Variants in LDB3 observed in about 807,000 individuals in gnomAD.
LDB3 encodes the protein LIM domain-binding protein 3.
A neutral mutation model predicts 69.0 loss-of-function variants in LDB3; 49 were observed. The ratio of observed to expected loss-of-function variants is 0.71; its 90% CI spans 0.56 to 0.90. The LOEUF (loss-of-function observed/expected upper bound fraction) is 0.90. Among genes scored for constraint, LDB3 ranks in the 40% least tolerant of loss-of-function variants. The pLI, the probability that LDB3 is intolerant of heterozygous loss-of-function variation, is 0.00. For missense variants in LDB3, 928 were observed against 974.1 expected (o/e 0.95, Z 0.63); for synonymous variants, 387 against 396.2 (o/e 0.98, Z 0.28).
Position 86,680,026 on chromosome 10 carries a change from G to A in LDB3, c.246-56G>A. The A allele has an allele frequency of 2.0e-6, 3 of 1,493,322 alleles. No homozygotes were observed. In the Admixed American group the frequency reaches 5.0e-5, roughly 25 times the overall value. 92.5% of individuals were successfully genotyped at this position (1,493,322 alleles called of 1,614,324 possible). ...CTCCTCACCAGCCCTGCCCAGGCAGGAGCTTCTGGCCCCAGGGGCAACTTC... is the reference window on the plus strand; with the variant it reads ...CTCCTCACCAGCCCTGCCCAGGCAGAAGCTTCTGGCCCCAGGGGCAACTTC... On this transcript the variant is annotated intron_variant, in intron 3 of 13. Transcript: ENST00000361373.
chr10:86,703,617 C>T (rs2132451541), intron 7 of LDB3, among the ~76,000 whole-genome samples: 1 of 152,382 alleles, frequency 6.6e-6, no homozygotes, highest in African/African-American at 2.4e-5. Flanking sequence ...CAGCTCCATT[C>T]TTCCGTGACC....
At chr10:86,677,742 C>G (rs960070481) in intron 2 of LDB3, among the ~76,000 whole-genome samples, 1 of 152,202 alleles carries the variant, frequency 6.6e-6, no homozygotes, top group Non-Finnish European at 1.5e-5. Flanking sequence ...GGTATGACAT[C>G]AACTACAGAA....
chr10:86,732,191 A>G (rs1178833573), intron 13 of LDB3, among the ~76,000 whole-genome samples: 3 of 151,254 alleles, frequency 2.0e-5, no homozygotes, highest in African/African-American at 4.9e-5. Context: ...AGTGAGTACA[A>G]TCTTCTCTGA....
chr10:86,709,112 C>T (rs1846546203), intron 8 of LDB3, among the ~76,000 whole-genome samples: 1 of 152,198 alleles, frequency 6.6e-6, no homozygotes, highest in Non-Finnish European at 1.5e-5. Context: ...AAGCATTTTA[C>T]AAACAAATAC....
At chr10:86,701,134 C>A (rs925591244) in intron 7 of LDB3, among the ~76,000 whole-genome samples, 1 of 152,266 alleles carries the variant, frequency 6.6e-6, no homozygotes, top group Admixed American at 6.5e-5. Context: ...CCCCATCCTG[C>A]CTCCAGCAGT....
At chr10:86,714,640 C>T (rs1221773352) in intron 9 of LDB3, among the ~76,000 whole-genome samples, 4 of 150,750 alleles carry the variant, frequency 2.7e-5, no homozygotes, top group Non-Finnish European at 5.9e-5. Flanking sequence ...ACTGCAAGCT[C>T]CGCCTCCTGG....
chr10:86,669,367 G>C (rs1332018200), intron 2 of LDB3, among the ~76,000 whole-genome samples: 1 of 152,224 alleles, frequency 6.6e-6, no homozygotes, highest in Non-Finnish European at 1.5e-5. Flanking sequence ...ATTCACCATG[G>C]CTGCTTTGTC....
At chr10:86,692,108 T>C (rs1033484084) in intron 6 of LDB3, 43 bp downstream of exon 6, 1 of 1,609,866 alleles carries the variant, frequency 6.2e-7, no homozygotes, top group African/African-American at 1.3e-5. Context: ...AGGGAGATGC[T>C]GAGGGGCCAC....
intron 2 of LDB3, among the ~76,000 whole-genome samples, chr10:86,678,750 C>T (rs1462594477): frequency 6.6e-6 from 1 of 152,160 alleles, no homozygotes. Flanking sequence ...GAGTGACCCT[C>T]TCACCTGCCT....
chr10:86,711,487 C>T (rs1846663110), intron 9 of LDB3, among the ~76,000 whole-genome samples: 1 of 151,910 alleles, frequency 6.6e-6, no homozygotes, highest in Admixed American at 6.5e-5. Context: ...CCGGGAGGCC[C>T]GGCTGCCAAG....
At position 86,733,331 on chromosome 10, in the gene LDB3, T is replaced by C. The variant is rs900424393; in HGVS notation, c.*355T>C. The C allele has an allele frequency of 1.8e-5, 6 of 324,814 alleles. No individual in the cohort carries two copies. Among genetic ancestry groups the C allele is most frequent in the African/African-American group, 1.3e-4 (6 of 46,258 alleles). 20.1% of individuals were successfully genotyped at this position (324,814 alleles called of 1,614,324 possible). A position where few individuals can be genotyped will look rare whatever the true frequency, so the allele number is the denominator to read the frequency against. On this transcript the variant is annotated 3_prime_UTR_variant, in exon 14 of 14. Coordinates refer to ENST00000361373, the MANE Select transcript of LDB3 (RefSeq NM_007078.3). ...AGAGGAGGACAGAGCTTAGAGCAGC[T>C]GTGGAGAATCTGAAGCATTCTGCGG...
chr10:86,674,736 C>T (rs183006387), intron 2 of LDB3, among the ~76,000 whole-genome samples: 1 of 152,176 alleles, frequency 6.6e-6, no homozygotes, highest in African/African-American at 2.4e-5. Context: ...GAGTTGGGTG[C>T]TTTGGGCCCT....
rs1844992525 is a variant in LDB3, at chr10:86,679,491, G to C, written c.218G>C (p.Ser73Thr). Residue 73 changes from serine (S) to threonine (T), a missense_variant, in exon 3 of 14, where the codon AGC (serine) becomes ACC (threonine). Coordinates refer to ENST00000361373, the MANE Select transcript of LDB3 (RefSeq NM_007078.3). ...GCCCAGAACAAGATCAAGTCTGCCA[G>C]CTACAACTTGAGCCTCACCCTGCAG... ...LEAQNKIKSA[S>T]YNLSLTLQKS... is the part of the protein sequence containing the mutation. The C allele has an allele frequency of 1.9e-6, 3 of 1,614,092 alleles. No homozygotes were observed. Among genetic ancestry groups the C allele is most frequent in the Non-Finnish European group, 2.5e-6 (3 of 1,180,048 alleles).
At chr10:86,682,023 G>A (rs1385792198) in intron 5 of LDB3, among the ~76,000 whole-genome samples, 2 of 152,222 alleles carry the variant, frequency 1.3e-5, no homozygotes, top group Non-Finnish European at 2.9e-5. Context: ...GGATTTTGCA[G>A]AGGAGGAAAC....
chr10:86,732,911 C>T lies in LDB3; in HGVS notation c.2119C>T (p.Gln707Ter), dbSNP rs771316707. 1.9e-6 allele frequency: 3 copies of T among 1,613,756 alleles called. No homozygotes were observed. In the African/African-American group the frequency reaches 4.0e-5, roughly 22 times the overall value. ...GGTCTGCCATGTGAATCTGGAGGGG[C>T]AGCCGTTCTACTCCAAGAAGGACAG... ...CAVCHVNLEG[Q>*]PFYSKKDRPL... The change falls in exon 14 of 14, where the codon CAG (glutamine) becomes TAG (stop). Residue 707 changes from glutamine (Q) to a stop codon, truncating the protein, a stop_gained. Coordinates refer to ENST00000361373, the MANE Select transcript of LDB3 (RefSeq NM_007078.3). LOFTEE classifies it high-confidence loss of function.
rs1554868911 is a variant in LDB3, at chr10:86,728,586, G to GTTTTTTTTTTTTGT, written c.2094+2346_2094+2347insGTTTTTTTTTTTTT. On this transcript the variant is annotated intron_variant, in intron 13 of 13. Coordinates refer to ENST00000361373, the MANE Select transcript of LDB3 (RefSeq NM_007078.3). The stretch of plus-strand genomic sequence containing the variant: ...TAGCAAAGTGGAACATGGTTCTTTT[G>GTTTTTTTTTTTTGT]TTTTTTTTTTTTTTTGAGACAAAGT... Among the ~76,000 whole-genome samples, 182 of 131,444 alleles carry GTTTTTTTTTTTTGT rather than the reference G, an allele frequency of 1.4e-3. 1 individual carries two copies. Among genetic ancestry groups the GTTTTTTTTTTTTGT allele is most frequent in the African/African-American group, 4.5e-3 (160 of 35,396 alleles). 86.2% of individuals were successfully genotyped at this position (131,444 alleles called of 152,430 possible). A position where few individuals can be genotyped will look rare whatever the true frequency, so the allele number is the denominator to read the frequency against.
upstream of LDB3, among the ~76,000 whole-genome samples, chr10:86,667,394 A>G (rs1844223506): frequency 6.6e-6 from 1 of 152,082 alleles, no homozygotes; most frequent in Non-Finnish European, 1.5e-5. Context: ...GCCTTGATCT[A>G]TCTCCAGACC....
intron 12 of LDB3, among the ~76,000 whole-genome samples, chr10:86,722,125 TGTTA>T (rs1847100420): frequency 6.6e-6 from 1 of 152,234 alleles, no homozygotes; most frequent in Non-Finnish European, 1.5e-5. Context: ...AACAAAAATG[TGTTA>T]GTATCAGACC....
At chr10:86,705,668 C>A (rs557566484) in intron 7 of LDB3, among the ~76,000 whole-genome samples, 4 of 152,296 alleles carry the variant, frequency 2.6e-5, no homozygotes, top group African/African-American at 9.6e-5. Flanking sequence ...CATCCCCAAC[C>A]CGTCTGGTCC....
Sources: gnomAD v4.1 joint callset for allele counts (sites outside exome capture counted in the v4.1 genomes callset) on GRCh38, gnomAD v4.1.1 for gene constraint, MANE v1.5 for transcripts, NCBI Gene and HGNC (gene_info 2026-07-23, HGNC 2026-07-21) for gene names.